The following IFT46 variants were observed in gnomAD, a reference collection of about 807,000 sequenced individuals.
IFT46 encodes intraflagellar transport protein 46 homolog.
Under a neutral mutation model 39.6 loss-of-function variants are expected in IFT46, and 19 were observed. The observed-to-expected ratio is 0.48, with a 90% CI of 0.33 to 0.70. IFT46 has a LOEUF of 0.70. IFT46 is among the 30% of genes least tolerant of loss of function. The pLI is 0.01. For missense variants in IFT46, 334 were observed against 364.8 expected (o/e 0.92, Z 0.69); for synonymous variants, 117 against 134.8 (o/e 0.87, Z 0.91).
chr11:118,560,834 T>A, intron 2 of IFT46: 1 of 754,006 alleles, frequency 1.3e-6, no homozygotes, highest in Non-Finnish European at 2.4e-6. Flanking sequence ...CACACCCAAA[T>A]ATAAGATGAT....
intron 7 of IFT46, among the ~76,000 whole-genome samples, chr11:118,554,012 G>A (rs1289861440): frequency 6.6e-6 from 1 of 150,668 alleles, no homozygotes; most frequent in Non-Finnish European, 1.5e-5. Context: ...AAATAAAGCT[G>A]TCATTTAAAA....
At chr11:118,561,654 C>A (rs946896093) in intron 2 of IFT46, 1 of 339,550 alleles carries the variant, frequency 2.9e-6, no homozygotes, top group Non-Finnish European at 5.5e-6. Flanking sequence ...AAGATTTAAC[C>A]TCTTTGAGTC....
intron 9 of IFT46, chr11:118,546,194 C>A (rs533024622): frequency 2.8e-6 from 2 of 717,636 alleles, no homozygotes; most frequent in South Asian, 3.0e-5. Context: ...AAGAAGAGAC[C>A]CCTCAGAAGA....
chr11:118,566,592 C>T (rs1938232318), upstream of IFT46, among the ~76,000 whole-genome samples: 1 of 152,194 alleles, frequency 6.6e-6, no homozygotes, highest in Non-Finnish European at 1.5e-5. Flanking sequence ...ACTCGAGAGG[C>T]TGAGGCAGGA....
intron 1 of IFT46, among the ~76,000 whole-genome samples, chr11:118,571,193 A>G (rs1555072317): frequency 6.6e-6 from 1 of 152,158 alleles, no homozygotes; most frequent in East Asian, 1.9e-4. Flanking sequence ...TATTAATGGA[A>G]TCATATATGA....
At chr11:118,552,739 G>A (rs557735458) in intron 7 of IFT46, among the ~76,000 whole-genome samples, 4 of 151,718 alleles carry the variant, frequency 2.6e-5, no homozygotes, top group African/African-American at 9.7e-5. Flanking sequence ...GTTGCAGTGA[G>A]CTACGACTGT....
chr11:118,549,487 T>C (rs1301835345), intron 9 of IFT46, among the ~76,000 whole-genome samples: 1 of 152,026 alleles, frequency 6.6e-6, no homozygotes, highest in Non-Finnish European at 1.5e-5. Context: ...GAACCTTTCA[T>C]TTCTATGAGT....
At chr11:118,561,983 A>G (rs1322097217) in intron 2 of IFT46, among the ~76,000 whole-genome samples, 1 of 152,118 alleles carries the variant, frequency 6.6e-6, no homozygotes, top group African/African-American at 2.4e-5. Context: ...TACAAAAAAT[A>G]CAAAAATTAG....
intron 1 of IFT46, chr11:118,572,351 C>CCCCCCCCCCCCCCCCCCT: frequency 1.5e-5 from 2 of 136,074 alleles, no homozygotes; most frequent in South Asian, 2.7e-4. Context: ...AGGCCCCGCC[C>CCCCCCCCCCCCCCCCCCT]CCCCCCCCGC....
intron 9 of IFT46, among the ~76,000 whole-genome samples, chr11:118,549,087 C>T (rs139630361): frequency 0.011 from 1,725 of 151,594 alleles, 33 homozygotes; most frequent in African/African-American, 0.038. Context: ...TTAGTAGAAA[C>T]GGGGTTTTGC....
chr11:118,573,126 T>C (rs1938392886), upstream of IFT46, among the ~76,000 whole-genome samples: 1 of 152,224 alleles, frequency 6.6e-6, no homozygotes, highest in African/African-American at 2.4e-5. Context: ...AGGACCCAAG[T>C]GTCTCTGAAA....
chr11:118,572,508 T>A, intron 1 of IFT46: 1 of 1,610,498 alleles, frequency 6.2e-7, no homozygotes, highest in Non-Finnish European at 8.5e-7. Context: ...CTATCCCCAG[T>A]GGAGCCGGAG....
intron 3 of IFT46, chr11:118,557,900 G>A (rs1555069873): frequency 3.2e-6 from 5 of 1,570,592 alleles, no homozygotes; most frequent in Admixed American, 2.0e-5. Context: ...CCTGAAGGAT[G>A]ACCAATTGGC....
intron 2 of IFT46, 109 bp from the exon 3 acceptor site, chr11:118,559,973 A>T (rs1433146884): frequency 6.0e-6 from 4 of 666,766 alleles, no homozygotes; most frequent in Non-Finnish European, 1.0e-5. Context: ...AACAAGGTTT[A>T]TTGGAACATC....
rs1951757451 is a variant in IFT46, at chr11:118,548,888, T to G, written c.672+2898A>C. Among the ~76,000 whole-genome samples the G allele has an allele frequency of 2.0e-5, 3 of 150,596 alleles. No individual in the cohort carries two copies. The South Asian group carries it at 6.3e-4, about 31-fold the overall frequency. On this transcript the variant is annotated intron_variant, in intron 9 of 11. Coordinates refer to ENST00000264021, the MANE Select transcript of IFT46 (RefSeq NM_001168618.2). ...CTCCCATTTTGGCCTCCCACTCCAT[T>G]ATGACTTTTTTTTTTTTTTTTGGAG...
In IFT46 at chr11:118,545,508, G is replaced by GA. The variant is rs782110838; in HGVS notation, c.734-15dup. 1 of 1,597,982 alleles carries GA rather than the reference G, an allele frequency of 6.3e-7. No homozygotes were observed. The highest frequency in any genetic ancestry group is 1.7e-5 in the Admixed American group (1 of 59,812). ...TGTCTAGAATGGCTGAAACGAAGAA[G>GA]AACTTCCAGGAACAGAAGCAAACAA... On this transcript the variant is annotated splice_polypyrimidine_tract_variant and intron_variant, in intron 10 of 11. Coordinates refer to ENST00000264021, the MANE Select transcript of IFT46 (RefSeq NM_001168618.2).
chr11:118,566,807 G>A (rs1555071601), upstream of IFT46, among the ~76,000 whole-genome samples: 3 of 152,246 alleles, frequency 2.0e-5, no homozygotes, highest in African/African-American at 7.2e-5. Flanking sequence ...TAACACCAGT[G>A]TATTGCAGAA....
upstream of IFT46, among the ~76,000 whole-genome samples, chr11:118,576,694 A>G (rs1291291556): frequency 2.0e-5 from 3 of 152,274 alleles, no homozygotes; most frequent in South Asian, 4.1e-4. Flanking sequence ...AGTAGCTGTA[A>G]CAGAGAGACC....
chr11:118,565,251 G>A (rs7930148), intron 1 of IFT46, among the ~76,000 whole-genome samples, 190 bp from the exon 2 acceptor site: 31,412 of 151,684 alleles, frequency 0.21, 3,970 homozygotes, highest in Admixed American at 0.38. Flanking sequence ...TCATTCTGTT[G>A]CAGCCCTTAT....
Sources: gnomAD v4.1 joint callset for allele counts (sites outside exome capture counted in the v4.1 genomes callset) on GRCh38, gnomAD v4.1.1 for gene constraint, MANE v1.5 for transcripts, NCBI Gene and HGNC (gene_info 2026-07-23, HGNC 2026-07-21) for gene names.